Variants in SLC5A8 observed in about 807,000 individuals in gnomAD.
The protein encoded by SLC5A8 is solute carrier family 5 member 8, also known as sodium-coupled monocarboxylate transporter 1.
Under a neutral mutation model 71.9 loss-of-function variants are expected in SLC5A8, and 55 were observed. The ratio of observed to expected loss-of-function variants is 0.77; its 90% confidence interval spans 0.62 to 0.96. The LOEUF (loss-of-function observed/expected upper bound fraction) is 0.96, where lower values mean the gene tolerates loss of function less well. Ranked by LOEUF, SLC5A8 falls within the 40% of genes least tolerant of loss-of-function variation. The pLI, the probability that SLC5A8 is intolerant of heterozygous loss-of-function variation, is 0.00. For missense variants in SLC5A8, 701 were observed against 745.3 expected (o/e 0.94, Z 0.69); for synonymous variants, 307 against 276.1 (o/e 1.11, Z -1.11).
chr12:101,187,741 C>T (rs548021161), intron 6 of SLC5A8, among the ~76,000 whole-genome samples: 1 of 152,288 alleles, frequency 6.6e-6, no homozygotes, highest in East Asian at 1.9e-4. Context: ...GGGATTTCCC[C>T]ATGAAAGAGT....
intron 10 of SLC5A8, among the ~76,000 whole-genome samples, chr12:101,175,219 G>T (rs571032663): frequency 3.3e-5 from 5 of 152,118 alleles, no homozygotes; most frequent in South Asian, 4.2e-4. Context: ...CAGAGAAAAA[G>T]ATCGGTGAAC....
Position 101,172,640 on chromosome 12 carries a change from A to T in SLC5A8, c.1234-4458T>A, listed in dbSNP as rs139509286. Among the ~76,000 whole-genome samples the T allele has an allele frequency of 4.3e-3, 651 of 152,210 alleles. 1 individual carries two copies. The highest frequency in any genetic ancestry group is 0.024 in the Middle Eastern group (7 of 294). On this transcript the variant is annotated intron_variant, in intron 10 of 14. Transcript: ENST00000536262. Reference sequence around the variant, plus strand: ...GGTAGGGAGCGAGGTGCTGTTGTGAACACTGTTGGATGGTTCTGTCTGAAA... The same window carrying T: ...GGTAGGGAGCGAGGTGCTGTTGTGATCACTGTTGGATGGTTCTGTCTGAAA...
At chr12:101,204,346 C>T (rs915034538) in intron 2 of SLC5A8, among the ~76,000 whole-genome samples, 154 bp downstream of exon 2, 12 of 152,202 alleles carry the variant, frequency 7.9e-5, no homozygotes, top group African/African-American at 2.9e-4. Flanking sequence ...AGGGTTGATG[C>T]TGTACAGTGA....
chr12:101,175,363 G>A (rs1372255691), intron 10 of SLC5A8, among the ~76,000 whole-genome samples: 1 of 151,982 alleles, frequency 6.6e-6, no homozygotes, highest in Non-Finnish European at 1.5e-5. Flanking sequence ...GAGTCCCAGA[G>A]GAAAAGAGAA....
At chr12:101,195,838 A>C (rs1194097446) in intron 3 of SLC5A8, among the ~76,000 whole-genome samples, 2 of 151,658 alleles carry the variant, frequency 1.3e-5, no homozygotes, top group Non-Finnish European at 2.9e-5. Context: ...CTGGGACTAC[A>C]GGCACGCAGC....
intron 1 of SLC5A8, among the ~76,000 whole-genome samples, chr12:101,206,250 C>A (rs1179909166): frequency 5.3e-5 from 8 of 152,058 alleles, no homozygotes; most frequent in South Asian, 2.1e-4. Context: ...ATTTTGGAAG[C>A]CTTTTTAGAA....
At chr12:101,185,450 T>C (rs1868591203) in intron 7 of SLC5A8, among the ~76,000 whole-genome samples, 1 of 152,174 alleles carries the variant, frequency 6.6e-6, no homozygotes, top group Non-Finnish European at 1.5e-5. Context: ...GTAGAACCAA[T>C]GAAATAGGAT....
chr12:101,184,310 C>T (rs569872629), intron 7 of SLC5A8, 88 bp from the exon 8 acceptor site: 16 of 1,100,362 alleles, frequency 1.5e-5, no homozygotes, highest in African/African-American at 3.1e-5. Flanking sequence ...TTGTCTCCTT[C>T]GGGAACTGAA....
Position 101,209,507 on chromosome 12 carries a change from G to A in SLC5A8, c.342C>T (p.Ser114=), listed in dbSNP as rs775487228. ...CCACCCTGCCCCTTACCTCGTAGGTGCTGGTAATTCCCAGTTTGTAGAACA... is the reference window on the plus strand; with the variant it reads ...CCACCCTGCCCCTTACCTCGTAGGTACTGGTAATTCCCAGTTTGTAGAACA... ...LPVFYKLGIT[S]TYEYLELRFN... Residue 114 remains serine (S), a synonymous_variant, in exon 1 of 15, where the codon AGC becomes AGT. Coordinates refer to ENST00000536262, the MANE Select transcript of SLC5A8 (RefSeq NM_145913.5). 2.5e-6 allele frequency: 4 copies of A among 1,602,520 alleles called. No individual in the cohort carries two copies. The South Asian group carries it at 4.5e-5, about 18-fold the overall frequency.
At chr12:101,199,035 T>C (rs1455375800) in intron 3 of SLC5A8, among the ~76,000 whole-genome samples, 3 of 151,916 alleles carry the variant, frequency 2.0e-5, no homozygotes, top group Non-Finnish European at 4.4e-5. Flanking sequence ...ATCTGCTTGA[T>C]TTAAAAAGCA....
At chr12:101,189,979 G>T (rs78958770) in intron 6 of SLC5A8, among the ~76,000 whole-genome samples, 3,242 of 152,288 alleles carry the variant, frequency 0.021, 120 homozygotes, top group African/African-American at 0.074. Flanking sequence ...TGCAGAATGT[G>T]CCCAGGATCA....
At chr12:101,171,984 G>A (rs985956151) in intron 10 of SLC5A8, among the ~76,000 whole-genome samples, 6 of 152,150 alleles carry the variant, frequency 3.9e-5, no homozygotes, top group Non-Finnish European at 5.9e-5. Context: ...TGATTACAGA[G>A]CAATGACAGG....
At chr12:101,177,072 A>C (rs2051885889) in intron 10 of SLC5A8, among the ~76,000 whole-genome samples, 1 of 152,138 alleles carries the variant, frequency 6.6e-6, no homozygotes, top group South Asian at 2.1e-4. Flanking sequence ...TTAGGAATGG[A>C]ACAGGGGCTA....
intron 3 of SLC5A8, 137 bp from the exon 4 acceptor site, chr12:101,195,299 G>T: frequency 1.3e-6 from 1 of 792,244 alleles, no homozygotes; most frequent in Non-Finnish European, 2.0e-6. Flanking sequence ...GCTAAAACTA[G>T]CTCCAAATCT....
At chr12:101,193,530 G>T in intron 5 of SLC5A8, 95 bp downstream of exon 5, 1 of 1,404,074 alleles carries the variant, frequency 7.1e-7, no homozygotes, top group Non-Finnish European at 9.6e-7. Context: ...CAATTTGTTG[G>T]CTTGTTTTTT....
intron 14 of SLC5A8, 131 bp downstream of exon 14, chr12:101,158,115 AGAT>A (rs1444768633): frequency 2.8e-5 from 19 of 679,262 alleles, no homozygotes; most frequent in Non-Finnish European, 4.9e-5. Flanking sequence ...CAACATATAT[AGAT>A]CATCAGATTA....
chr12:101,179,245 T>C (rs1164204283), intron 10 of SLC5A8, among the ~76,000 whole-genome samples: 1 of 152,208 alleles, frequency 6.6e-6, no homozygotes, highest in East Asian at 1.9e-4. Context: ...AGTTTGGCAG[T>C]TTCTTTTAAA....
At chr12:101,172,680 A>G (rs1421031004) in intron 10 of SLC5A8, among the ~76,000 whole-genome samples, 1 of 152,154 alleles carries the variant, frequency 6.6e-6, no homozygotes, top group Non-Finnish European at 1.5e-5. Context: ...CAAAGAAGGC[A>G]GCCCGCTAGG....
At chr12:101,202,672 T>G (rs1869508657) in intron 2 of SLC5A8, among the ~76,000 whole-genome samples, 1 of 152,144 alleles carries the variant, frequency 6.6e-6, no homozygotes, top group African/African-American at 2.4e-5. Context: ...ACTTTTACTG[T>G]TCATAAATTA....
Sources: allele counts gnomAD v4.1 joint callset (sites outside exome capture counted in the v4.1 genomes callset), GRCh38; gene constraint gnomAD v4.1.1; transcripts MANE v1.5; gene names NCBI Gene and HGNC (gene_info 2026-07-23, HGNC 2026-07-21).